Variants in CTBP2 observed in about 807,000 individuals in gnomAD.
The protein encoded by CTBP2 is C-terminal-binding protein 2.
In CTBP2, 30 loss-of-function variants were observed where a neutral mutation model predicts 80.3. The ratio of observed to expected loss-of-function variants is 0.37; its 90% CI spans 0.28 to 0.51. CTBP2 has a LOEUF of 0.51. Among genes scored for constraint, CTBP2 ranks in the 20% least tolerant of loss-of-function variants. The pLI, the probability that CTBP2 is intolerant of heterozygous loss-of-function variation, is 0.93. For missense variants in CTBP2, 1,212 were observed against 1,375.3 expected, an observed-to-expected ratio of 0.88 and a Z score of 1.88; for synonymous variants, 594 against 587.4, an observed-to-expected ratio of 1.01 and a Z score of -0.16.
chr10:125,068,628 C>T (rs1462089989), intron 2 of CTBP2, among the ~76,000 whole-genome samples: 1 of 152,166 alleles, frequency 6.6e-6, no homozygotes, highest in Non-Finnish European at 1.5e-5. Context: ...ACAAGATGGC[C>T]AGGGTGCAAA....
intron 1 of CTBP2, among the ~76,000 whole-genome samples, chr10:125,136,169 G>C (rs1856942942): frequency 6.6e-6 from 1 of 152,216 alleles, no homozygotes; most frequent in East Asian, 1.9e-4. Context: ...ATAAGGATGA[G>C]AACGAAGGGG....
intron 2 of CTBP2, among the ~76,000 whole-genome samples, chr10:125,071,924 T>C (rs1845547650): frequency 6.6e-6 from 1 of 152,136 alleles, no homozygotes. Context: ...AACAGTCAGC[T>C]GCCCGCAGGG....
intron 2 of CTBP2, among the ~76,000 whole-genome samples, chr10:125,078,578 T>C (rs537627436): frequency 1.8e-4 from 28 of 152,024 alleles, no homozygotes; most frequent in African/African-American, 6.5e-4. Context: ...CAGGGTTGAC[T>C]TCAAAGTGTC....
At chr10:125,032,298 C>T (rs1170182848), upstream of CTBP2, among the ~76,000 whole-genome samples, 1 of 152,206 alleles carries the variant, frequency 6.6e-6, no homozygotes, top group Non-Finnish European at 1.5e-5. Context: ...TGCTCTTTAG[C>T]AGCTTTTCCT....
chr10:124,997,904 C>G, intron 4 of CTBP2, 60 bp downstream of exon 6: 2 of 1,545,738 alleles, frequency 1.3e-6, no homozygotes, highest in South Asian at 2.4e-5. Context: ...CCGAGGGGTC[C>G]CCACTACACC....
rs146900874 is a variant in CTBP2 at position 125,027,546 on chromosome 10, G to A, written c.214C>T (p.Arg72Trp). The change falls in exon 1 of 9, where the codon CGG (arginine) becomes TGG (tryptophan). Residue 72 changes from arginine (R) to tryptophan (W), a missense_variant. Arg to Trp is a moderately radical substitution (Grantham distance 101). Coordinates refer to ENST00000309035, the MANE Select transcript of CTBP2 (RefSeq NM_022802.3). ...GCCACTGAGTTATAAACGGCCTCCC[G>A]GTACAGGTAGGGCTCGGCGGCCACG... is the stretch of plus-strand genomic sequence containing the variant. 463 of 1,614,144 alleles carry A rather than the reference G, an allele frequency of 2.9e-4. 1 individual carries two copies. The highest frequency in any genetic ancestry group is 2.8e-3 in the Middle Eastern group (17 of 6,062).
chr10:125,131,378 T>C (rs1856155482), intron 1 of CTBP2, among the ~76,000 whole-genome samples: 1 of 152,120 alleles, frequency 6.6e-6, no homozygotes, highest in South Asian at 2.1e-4. Flanking sequence ...ACCCAAAGTG[T>C]TTAGGTGGAT....
intron 1 of CTBP2, among the ~76,000 whole-genome samples, chr10:125,152,299 C>A (rs547594702): frequency 6.6e-6 from 1 of 152,174 alleles, no homozygotes; most frequent in African/African-American, 2.4e-5. Flanking sequence ...GGCACCCCCG[C>A]GGTCCGGGAA....
At chr10:125,146,777 G>A (rs560923266) in intron 1 of CTBP2, among the ~76,000 whole-genome samples, 1 of 152,274 alleles carries the variant, frequency 6.6e-6, no homozygotes, top group African/African-American at 2.4e-5. Flanking sequence ...AACACTGGCT[G>A]GGTGGAGAAA....
At chr10:125,143,081 T>G (rs1858125622) in intron 1 of CTBP2, among the ~76,000 whole-genome samples, 1 of 152,118 alleles carries the variant, frequency 6.6e-6, no homozygotes, top group Non-Finnish European at 1.5e-5. Flanking sequence ...TTTGCTGAAC[T>G]CCAGATAAAC....
chr10:125,097,054 T>C (rs1327269246), intron 2 of CTBP2, among the ~76,000 whole-genome samples: 1 of 152,228 alleles, frequency 6.6e-6, no homozygotes, highest in Non-Finnish European at 1.5e-5. Flanking sequence ...TTCACATAAT[T>C]TATATTACCA....
At chr10:125,098,746 GAGAC>G (rs1564914662) in intron 2 of CTBP2, among the ~76,000 whole-genome samples, 965 of 78,598 alleles carry the variant, frequency 0.012, 44 homozygotes, top group African/African-American at 0.027. Flanking sequence ...GAGAGAGAGA[GAGAC>G]AGAGAGAGAG....
At chr10:125,156,856 T>C (rs1428056220) in intron 1 of CTBP2, among the ~76,000 whole-genome samples, 1 of 152,238 alleles carries the variant, frequency 6.6e-6, no homozygotes, top group African/African-American at 2.4e-5. Context: ...ACTGAAGTTA[T>C]TGATTATTCT....
chr10:125,144,828 T>C (rs1858455198), intron 1 of CTBP2, among the ~76,000 whole-genome samples: 1 of 152,244 alleles, frequency 6.6e-6, no homozygotes, highest in Non-Finnish European at 1.5e-5. Flanking sequence ...TTTACTAAAA[T>C]ATAATCTGCA....
intron 2 of CTBP2, among the ~76,000 whole-genome samples, chr10:125,085,421 G>T (rs746823732): frequency 6.6e-6 from 1 of 152,212 alleles, no homozygotes; most frequent in Non-Finnish European, 1.5e-5. Flanking sequence ...ATGAAAGAAA[G>T]CTCTGCGGGC....
rs943229325 is a variant in CTBP2, at chr10:125,013,116, T to A, written c.1679-9624A>T. On this transcript the variant is annotated intron_variant, in intron 1 of 8. Transcript: ENST00000309035. ...CCAGCATGTGGTTCCAGCCCACAGC[T>A]CCTAAACTATGAGATTCTCAGTTCA... is the stretch of plus-strand genomic sequence containing the variant. Among the ~76,000 whole-genome samples the A allele has an allele frequency of 4.6e-5, 7 of 152,228 alleles. No homozygotes were observed. The South Asian group carries it at 1.0e-3, about 23-fold the overall frequency.
chr10:125,062,531 G>T (rs1031790183), intron 2 of CTBP2, among the ~76,000 whole-genome samples: 1 of 152,070 alleles, frequency 6.6e-6, no homozygotes, highest in African/African-American at 2.4e-5. Context: ...CAGCGCGAGG[G>T]GTTAGAGTTA....
At position 125,027,584 on chromosome 10, in the gene CTBP2, T is replaced by G. The variant is rs113041678; in HGVS notation, c.176A>C (p.Asp59Ala). ...CTCGGCGGCCACGGGCAGGGCAGCG[T>G]CCTGTGGTCGGTGGTTTGGCTCAAA... The change falls in exon 1 of 9, where the codon GAC becomes GCC. Residue 59 changes from aspartate to alanine, a missense_variant. Asp to Ala is a moderately radical substitution (Grantham distance 126). Transcript: ENST00000309035. The G allele has an allele frequency of 2.0e-5, 33 of 1,614,062 alleles. No individual in the cohort carries two copies. In the African/African-American group the frequency reaches 3.1e-4, roughly 15 times the overall value.
intron 2 of CTBP2, among the ~76,000 whole-genome samples, chr10:125,109,275 A>G (rs940051674): frequency 7.2e-5 from 11 of 152,192 alleles, no homozygotes; most frequent in Non-Finnish European, 1.0e-4. Flanking sequence ...AGGGCCTGGT[A>G]CTTGTCTGGG....
Sources: allele counts gnomAD v4.1 joint callset (sites outside exome capture counted in the v4.1 genomes callset), GRCh38; gene constraint gnomAD v4.1.1; transcripts MANE v1.5; gene names NCBI Gene and HGNC (gene_info 2026-07-23, HGNC 2026-07-21).